The following TOR1AIP1 variants were observed in gnomAD, a reference collection of about 807,000 sequenced individuals.
TOR1AIP1 encodes the protein torsin 1A interacting protein 1, also known as torsin-1A-interacting protein 1.
In TOR1AIP1, 54 loss-of-function variants were observed where a neutral mutation model predicts 63.3. The ratio of observed to expected loss-of-function variants is 0.85; its 90% CI spans 0.69 to 1.07. The LOEUF (loss-of-function observed/expected upper bound fraction) is 1.07, where lower values mean the gene tolerates loss of function less well. Ranked by LOEUF, TOR1AIP1 falls within the 50% of genes least tolerant of loss-of-function variation. TOR1AIP1 has a pLI of 0.00. For missense variants in TOR1AIP1, 736 were observed against 715.0 expected (o/e 1.03, Z -0.33); for synonymous variants, 294 against 273.5 (o/e 1.07, Z -0.74).
At chr1:179,904,504 A>G (rs1437372697) in intron 6 of TOR1AIP1, 1 of 152,298 alleles carries the variant, frequency 6.6e-6, no homozygotes, top group Non-Finnish European at 1.5e-5. Context: ...CAGTCTTACA[A>G]CTGAAAATTT....
intron 9 of TOR1AIP1, among the ~76,000 whole-genome samples, chr1:179,915,996 G>A (rs1648980453): frequency 6.6e-6 from 1 of 152,182 alleles, no homozygotes; most frequent in African/African-American, 2.4e-5. Flanking sequence ...CCATGGTACT[G>A]TATGATGCAG....
intron 2 of TOR1AIP1, among the ~76,000 whole-genome samples, chr1:179,885,482 G>A (rs1165357231): frequency 2.0e-5 from 3 of 152,196 alleles, no homozygotes; most frequent in Admixed American, 1.3e-4. Context: ...AAGGGATCAA[G>A]TCCAGTTATT....
chr1:179,915,943 C>T (rs937849236), intron 9 of TOR1AIP1, among the ~76,000 whole-genome samples: 1 of 152,148 alleles, frequency 6.6e-6, no homozygotes, highest in South Asian at 2.1e-4. Context: ...TGTGCTAATT[C>T]GCCTTGTAAT....
chr1:179,897,429 G>T (rs1336543542), intron 3 of TOR1AIP1, among the ~76,000 whole-genome samples: 1 of 152,096 alleles, frequency 6.6e-6, no homozygotes, highest in East Asian at 1.9e-4. Flanking sequence ...AAATTGACCT[G>T]GAACTTCAAA....
At chr1:179,907,688 G>T in intron 6 of TOR1AIP1, 135 bp from the exon 7 acceptor site, 1 of 357,284 alleles carries the variant, frequency 2.8e-6, no homozygotes, top group Non-Finnish European at 5.0e-6. Flanking sequence ...TTATATGCTT[G>T]GAATTGATGA....
In TOR1AIP1 at chr1:179,891,276, C is replaced by T. The variant is rs565066223; in HGVS notation, c.610+1907C>T. ...TTGCTCTGTCACCCAGGCTGTAGTACCGTGGTGCGATCTCGGCTCACTGCA... is the reference window on the plus strand; with the variant it reads ...TTGCTCTGTCACCCAGGCTGTAGTATCGTGGTGCGATCTCGGCTCACTGCA... On this transcript the variant is annotated intron_variant, in intron 3 of 9. Coordinates refer to ENST00000606911, the MANE Select transcript of TOR1AIP1 (RefSeq NM_015602.4). Among the ~76,000 whole-genome samples the T allele has an allele frequency of 1.9e-4, 29 of 152,204 alleles. 1 individual carries two copies. In the South Asian group the frequency reaches 6.0e-3, roughly 32 times the overall value.
chr1:179,895,189 T>G (rs901089121), intron 3 of TOR1AIP1, among the ~76,000 whole-genome samples: 3 of 152,252 alleles, frequency 2.0e-5, no homozygotes, highest in African/African-American at 7.2e-5. Flanking sequence ...GTCTATATAT[T>G]TGCTAAAGCC....
intron 9 of TOR1AIP1, among the ~76,000 whole-genome samples, chr1:179,916,764 C>T (rs375201168): frequency 1.6e-4 from 20 of 122,746 alleles, no homozygotes; most frequent in African/African-American, 5.6e-4. Flanking sequence ...AGTGCAGTGG[C>T]GTGATCTCGG....
At chr1:179,887,530 ATCTTCTCATTGT>A (rs1407045082) in intron 2 of TOR1AIP1, among the ~76,000 whole-genome samples, 14 of 152,344 alleles carry the variant, frequency 9.2e-5, no homozygotes, top group African/African-American at 3.4e-4. Flanking sequence ...ATAGTTTGAA[ATCTTCTCATTGT>A]TTGAAATTCC....
At chr1:179,905,962 G>T (rs569140994) in intron 6 of TOR1AIP1, among the ~76,000 whole-genome samples, 1 of 151,260 alleles carries the variant, frequency 6.6e-6, no homozygotes. Context: ...CAAAAAAAAA[G>T]AAATACTATT....
At chr1:179,905,640 ATAT>A (rs954584867) in intron 6 of TOR1AIP1, among the ~76,000 whole-genome samples, 2 of 152,116 alleles carry the variant, frequency 1.3e-5, no homozygotes, top group African/African-American at 4.8e-5. Flanking sequence ...CGTATAAATG[ATAT>A]TATACCCATG....
intron 5 of TOR1AIP1, among the ~76,000 whole-genome samples, chr1:179,902,710 T>C (rs1648507043): frequency 6.6e-6 from 1 of 152,218 alleles, no homozygotes; most frequent in Admixed American, 6.5e-5. Flanking sequence ...GCTGTTTGCC[T>C]TTAGAGAGTT....
Position 179,907,840 on chromosome 1 carries a change from C to T in TOR1AIP1, c.814C>T (p.His272Tyr). ...TGTTTCAGGTCAAAACTTCACAGCT[C>T]ATGATAAGCAACCTTCAGTGCTAAG... ...QSSQSQNFTA[H>Y]DKQPSVLSSG... Residue 272 changes from histidine to tyrosine, a missense_variant, in exon 7 of 10, where the codon CAT becomes TAT. Transcript: ENST00000606911. The T allele has an allele frequency of 6.3e-7, 1 of 1,576,586 alleles. No individual in the cohort carries two copies. The highest frequency in any genetic ancestry group is 1.1e-5 in the South Asian group (1 of 87,656).
chr1:179,899,254 TC>T (rs1648374070), intron 3 of TOR1AIP1, among the ~76,000 whole-genome samples: 1 of 55,572 alleles, frequency 1.8e-5, no homozygotes, highest in Non-Finnish European at 3.7e-5. Context: ...TGGGTACATC[TC>T]ACTATTTTTT....
rs755443913 is a variant in TOR1AIP1, at chr1:179,917,449, T to C, written c.965-3T>C. Reference sequence around the variant, plus strand: ...ATCTGTCATTTCTTTTTTGTCTGAGTAGAAGTGACTGGACAACCCCAAAAT... The same window carrying C: ...ATCTGTCATTTCTTTTTTGTCTGAGCAGAAGTGACTGGACAACCCCAAAAT... On this transcript the variant is annotated splice_polypyrimidine_tract_variant and splice_region_variant and intron_variant, in intron 9 of 9. Coordinates refer to ENST00000606911, the MANE Select transcript of TOR1AIP1 (RefSeq NM_015602.4). 15 of 1,608,588 alleles carry C rather than the reference T, an allele frequency of 9.3e-6. No homozygotes were observed. Among genetic ancestry groups the C allele is most frequent in the Non-Finnish European group, 1.0e-5 (12 of 1,178,398 alleles).
chr1:179,911,403 C>G (rs1648827098), intron 8 of TOR1AIP1, among the ~76,000 whole-genome samples: 1 of 152,182 alleles, frequency 6.6e-6, no homozygotes, highest in South Asian at 2.1e-4. Context: ...GCTATAGATT[C>G]TACCCCATGG....
intron 6 of TOR1AIP1, among the ~76,000 whole-genome samples, chr1:179,906,321 A>G (rs552028968): frequency 6.6e-6 from 1 of 152,216 alleles, no homozygotes. Flanking sequence ...ATAGATATTC[A>G]TGAATTTTTA....
At chr1:179,900,910 C>A (rs1201689170) in intron 4 of TOR1AIP1, among the ~76,000 whole-genome samples, 6 of 152,080 alleles carry the variant, frequency 3.9e-5, no homozygotes, top group African/African-American at 1.2e-4. Flanking sequence ...TGTACACTAC[C>A]CCTCTACCAC....
chr1:179,882,628 G>A lies in TOR1AIP1; in HGVS notation c.126G>A (p.Ala42=), dbSNP rs1273760791. 1.3e-6 allele frequency: 2 copies of A among 1,535,700 alleles called. No homozygotes were observed. Among genetic ancestry groups the A allele is most frequent in the Non-Finnish European group, 8.7e-7 (1 of 1,144,228 alleles). The change falls in exon 1 of 10, where the codon GCG becomes GCA. Residue 42 remains alanine, a synonymous_variant. Transcript: ENST00000606911. ...LAPQNGGSSD[A]PAYRTPPSRQ... ...CTCAAAATGGCGGCAGCAGCGATGC[G>A]CCTGCGTACAGAACTCCTCCGTCGC...
Sources: allele counts gnomAD v4.1 joint callset (sites outside exome capture counted in the v4.1 genomes callset), GRCh38; gene constraint gnomAD v4.1.1; transcripts MANE v1.5; gene names NCBI Gene and HGNC (gene_info 2026-07-23, HGNC 2026-07-21).